SLIT3: variants seen among roughly 807,000 people sequenced by gnomAD.
SLIT3 encodes the protein slit guidance ligand 3.
Under a neutral mutation model 184.0 loss-of-function variants are expected in SLIT3, and 68 were observed. That is an observed-to-expected ratio of 0.37 (90% confidence interval 0.30 to 0.45). SLIT3 has a LOEUF of 0.45. SLIT3 is among the 20% of genes least tolerant of loss of function. The pLI, the probability that SLIT3 is intolerant of heterozygous loss-of-function variation, is 1.00. For synonymous variants in SLIT3, 831 were observed against 828.6 expected (o/e 1.00, Z -0.05); for missense variants, 1,707 against 2,026.0 (o/e 0.84, Z 3.02).
intron 4 of SLIT3, among the ~76,000 whole-genome samples, chr5:168,899,703 C>A (rs747331960): frequency 2.0e-5 from 3 of 152,160 alleles, no homozygotes; most frequent in Non-Finnish European, 4.4e-5. Flanking sequence ...GTATAAATTT[C>A]TTTGGGGCCT....
At chr5:169,186,398 C>T (rs1763336927) in intron 4 of SLIT3, among the ~76,000 whole-genome samples, 1 of 152,188 alleles carries the variant, frequency 6.6e-6, no homozygotes, top group Non-Finnish European at 1.5e-5. Context: ...TGATCTTGGA[C>T]TTCTATCCTC....
Position 169,118,921 on chromosome 5 carries a change from C to T in SLIT3, c.413+74558G>A, listed in dbSNP as rs536011019. On this transcript the variant is annotated intron_variant, in intron 4 of 35. Coordinates refer to ENST00000519560, the MANE Select transcript of SLIT3 (RefSeq NM_003062.4). ...TTTTTTACAGTTTTAGTGGTATTCT[C>T]ATTTTATAAACTACCATTTATGACC... Among the ~76,000 whole-genome samples, 74 of 152,242 alleles carry T rather than the reference C, an allele frequency of 4.9e-4. 1 individual carries two copies. The South Asian group carries it at 0.015, about 30-fold the overall frequency.
At chr5:168,871,146 G>C (rs1276256967) in intron 5 of SLIT3, among the ~76,000 whole-genome samples, 1 of 152,166 alleles carries the variant, frequency 6.6e-6, no homozygotes, top group Non-Finnish European at 1.5e-5. Context: ...CAGGATCGGG[G>C]TTGTCCTCCT....
intron 4 of SLIT3, among the ~76,000 whole-genome samples, chr5:169,138,050 G>A (rs932184989): frequency 1.2e-4 from 18 of 152,164 alleles, no homozygotes; most frequent in African/African-American, 4.1e-4. Context: ...CAGCACATCT[G>A]TGGGCCAATT....
At chr5:168,917,289 T>C (rs1761473766) in intron 4 of SLIT3, among the ~76,000 whole-genome samples, 1 of 152,224 alleles carries the variant, frequency 6.6e-6, no homozygotes. Context: ...AGTCTTACTA[T>C]ACCTTGAGAC....
chr5:168,808,584 C>T (rs1757056840), intron 8 of SLIT3, among the ~76,000 whole-genome samples: 1 of 152,184 alleles, frequency 6.6e-6, no homozygotes, highest in Non-Finnish European at 1.5e-5. Flanking sequence ...TGCTCTGCTA[C>T]AAATTGTTTG....
intron 3 of SLIT3, among the ~76,000 whole-genome samples, chr5:169,223,077 C>T (rs1764671106): frequency 6.6e-6 from 1 of 152,158 alleles, no homozygotes; most frequent in African/African-American, 2.4e-5. Flanking sequence ...ACTGTAAATT[C>T]AGTCCGGATT....
Position 168,671,450 on chromosome 5 carries a change from C to A in SLIT3, c.3875G>T (p.Arg1292Leu). Residue 1292 changes from arginine (R) to leucine (L), a missense_variant, in exon 34 of 36, where the codon CGC (arginine) becomes CTC (leucine). Coordinates refer to ENST00000519560, the MANE Select transcript of SLIT3 (RefSeq NM_003062.4). ...GCCTAGAGGCCGGTCCGTGCCCTGG[C>A]GCAAGGCAGAGAGGCCGGTGGAGGT... The part of the protein sequence containing the change: ...IPTSTGLSAL[R>L]QGTDRPLGGF... The A allele has an allele frequency of 1.2e-6, 2 of 1,613,006 alleles. No homozygotes were observed. Among genetic ancestry groups the A allele is most frequent in the South Asian group, 1.1e-5 (1 of 90,760 alleles).
intron 4 of SLIT3, among the ~76,000 whole-genome samples, chr5:169,141,042 G>A (rs1402040416): frequency 2.6e-5 from 4 of 152,044 alleles, no homozygotes; most frequent in African/African-American, 4.8e-5. Context: ...CTCAACTTAC[G>A]TTTTTTCCTT....
chr5:169,011,669 C>A (rs1581301243), intron 4 of SLIT3, among the ~76,000 whole-genome samples: 1 of 152,166 alleles, frequency 6.6e-6, no homozygotes. Flanking sequence ...GGGTTTTACA[C>A]ATCCTAAAAT....
chr5:169,124,054 C>A (rs1760987321), intron 4 of SLIT3, among the ~76,000 whole-genome samples: 1 of 152,152 alleles, frequency 6.6e-6, no homozygotes, highest in Non-Finnish European at 1.5e-5. Context: ...ATTAGGCATC[C>A]ACTTAACAGT....
At chr5:169,155,422 A>G (rs925430854) in intron 4 of SLIT3, among the ~76,000 whole-genome samples, 1 of 152,200 alleles carries the variant, frequency 6.6e-6, no homozygotes, top group Non-Finnish European at 1.5e-5. Flanking sequence ...TAATTTATTG[A>G]AAACCCCACT....
Position 168,793,502 on chromosome 5 carries a change from A to T in SLIT3, c.1007+2005T>A, listed in dbSNP as rs1015175313. On this transcript the variant is annotated intron_variant, in intron 10 of 35. Transcript: ENST00000519560. ...CTCTATTGCCATCCTCTTGGGGGAA[A>T]AAAAGGGCATCATAATAAATATCAG... 3.0e-4 allele frequency among the ~76,000 whole-genome samples: 46 copies of T among 152,196 alleles called. 1 individual carries two copies. The highest frequency in any genetic ancestry group is 1.1e-3 in the African/African-American group (44 of 41,454).
At chr5:169,059,414 C>G (rs1252735813) in intron 4 of SLIT3, among the ~76,000 whole-genome samples, 2 of 152,204 alleles carry the variant, frequency 1.3e-5, no homozygotes, top group Non-Finnish European at 2.9e-5. Flanking sequence ...TCCTACAGCA[C>G]AGCCTGCCAG....
chr5:168,746,671 T>G (rs922442331), intron 20 of SLIT3, among the ~76,000 whole-genome samples: 2 of 40,214 alleles, frequency 5.0e-5, no homozygotes, highest in Admixed American at 7.0e-4. Flanking sequence ...GTGAGTGTGG[T>G]GGTATGGTGG....
intron 5 of SLIT3, among the ~76,000 whole-genome samples, chr5:168,857,372 GT>G (rs1189370513): frequency 7.9e-6 from 1 of 126,720 alleles, no homozygotes; most frequent in African/African-American, 3.0e-5. Context: ...TAGAGTTTTT[GT>G]TTTTGTTTTG....
chr5:169,178,134 C>T (rs1351461423), intron 4 of SLIT3, among the ~76,000 whole-genome samples: 6 of 152,220 alleles, frequency 3.9e-5, no homozygotes, highest in Non-Finnish European at 7.3e-5. Flanking sequence ...CATCAACATC[C>T]TTTTCTTAAA....
At chr5:168,885,433 T>C (rs536601236) in intron 4 of SLIT3, among the ~76,000 whole-genome samples, 20 of 152,264 alleles carry the variant, frequency 1.3e-4, no homozygotes, top group African/African-American at 3.4e-4. Flanking sequence ...GGTCAGGCGG[T>C]GTCACCAAGG....
chr5:169,279,307 C>T (rs1359478931), intron 1 of SLIT3, among the ~76,000 whole-genome samples: 1 of 152,182 alleles, frequency 6.6e-6, no homozygotes, highest in Non-Finnish European at 1.5e-5. Context: ...TGTAGAATAA[C>T]AACAGATGCT....
Sources: gnomAD v4.1 joint callset for allele counts (sites outside exome capture counted in the v4.1 genomes callset) on GRCh38, gnomAD v4.1.1 for gene constraint, MANE v1.5 for transcripts, NCBI Gene and HGNC (gene_info 2026-07-23, HGNC 2026-07-21) for gene names.